The following SBNO1 variants were observed in gnomAD, a reference collection of about 807,000 sequenced individuals.
SBNO1 encodes protein strawberry notch homolog 1.
SBNO1 carries 23 observed loss-of-function variants against 173.6 expected under a neutral mutation model. That is an observed-to-expected ratio of 0.13 (90% CI 0.10 to 0.19). SBNO1 has a LOEUF of 0.19. SBNO1 is among the 10% of genes least tolerant of loss of function. SBNO1 has a pLI of 1.00. For missense variants in SBNO1, 1,238 were observed against 1,671.2 expected (o/e 0.74, Z 4.52); for synonymous variants, 632 against 571.5 (o/e 1.11, Z -1.51).
chr12:123,320,210 AC>A (rs1869790740), intron 19 of SBNO1, among the ~76,000 whole-genome samples, 179 bp from the exon 20 acceptor site: 1 of 152,222 alleles, frequency 6.6e-6, no homozygotes, highest in Non-Finnish European at 1.5e-5. Context: ...GGCCACGATC[AC>A]AAAAGATGCG....
At chr12:123,314,706 C>T (rs1461513860) in intron 23 of SBNO1, among the ~76,000 whole-genome samples, 1 of 151,764 alleles carries the variant, frequency 6.6e-6, no homozygotes, top group South Asian at 2.1e-4. Context: ...GGCATGATCT[C>T]GGCTCACTGC....
chr12:123,349,866 T>C (rs996594969), intron 2 of SBNO1, among the ~76,000 whole-genome samples: 11 of 151,934 alleles, frequency 7.2e-5, no homozygotes, highest in African/African-American at 2.4e-4. Context: ...TGAGCTGAGA[T>C]TGCGCCACTG....
chr12:123,341,599 G>A (rs1031721371), intron 4 of SBNO1, among the ~76,000 whole-genome samples: 2 of 152,020 alleles, frequency 1.3e-5, no homozygotes, highest in Non-Finnish European at 1.5e-5. Flanking sequence ...TCAGCTGACT[G>A]CAACCTCCTC....
rs536771172 is a variant in SBNO1, at chr12:123,358,616, G to A, written c.-1+6085C>T. On this transcript the variant is annotated intron_variant, in intron 1 of 31. Transcript: ENST00000602398. ...AAATTAGCCGGGCGCGGTGGCAGGC[G>A]CCTGTAGTCCCAGCTACTCAGGAGG... is the stretch of plus-strand genomic sequence containing the variant. Among the ~76,000 whole-genome samples, 490 of 151,710 alleles carry A rather than the reference G, an allele frequency of 3.2e-3. 3 individuals carry two copies. Among genetic ancestry groups the A allele is most frequent in the Non-Finnish European group, 5.4e-3 (364 of 67,894 alleles).
intron 7 of SBNO1, among the ~76,000 whole-genome samples, chr12:123,333,474 G>GGT (rs1871471173): frequency 6.6e-6 from 1 of 151,762 alleles, no homozygotes; most frequent in Admixed American, 6.6e-5. Flanking sequence ...CCTAGGAATG[G>GGT]GTATATATAC....
chr12:123,322,490 G>A (rs73421393), intron 16 of SBNO1, among the ~76,000 whole-genome samples: 3,341 of 152,190 alleles, frequency 0.022, 117 homozygotes, highest in African/African-American at 0.075. Flanking sequence ...TAGAGAAGGG[G>A]TTTCGCCATG....
At chr12:123,335,667 A>G (rs935670755) in intron 6 of SBNO1, among the ~76,000 whole-genome samples, 14 of 152,230 alleles carry the variant, frequency 9.2e-5, no homozygotes, top group African/African-American at 3.1e-4. Context: ...GCCATAGATA[A>G]TAAGTAAACC....
chr12:123,299,644 A>G (rs1391160275), intron 30 of SBNO1, among the ~76,000 whole-genome samples: 3 of 140,766 alleles, frequency 2.1e-5, no homozygotes, highest in Non-Finnish European at 3.0e-5. Flanking sequence ...TCAGGCCACT[A>G]CACTCTGGCA....
chr12:123,308,087 G>A (rs141251271), intron 28 of SBNO1, among the ~76,000 whole-genome samples: 16 of 151,998 alleles, frequency 1.1e-4, no homozygotes, highest in East Asian at 1.9e-4. Context: ...AAAACAAAAC[G>A]AAACAACACA....
In SBNO1 at chr12:123,348,742, G is replaced by A. The variant is rs370445048; in HGVS notation, c.133-609C>T. ...GATTGCACCACTGCACTCTGGACTGGGTGACAGAGCGAGACTCGGTCTCAA... is the reference window on the plus strand; with the variant it reads ...GATTGCACCACTGCACTCTGGACTGAGTGACAGAGCGAGACTCGGTCTCAA... On this transcript the variant is annotated intron_variant, in intron 2 of 31. Coordinates refer to ENST00000602398, the MANE Select transcript of SBNO1 (RefSeq NM_001167856.3). 1.5e-4 allele frequency among the ~76,000 whole-genome samples: 23 copies of A among 152,042 alleles called. 1 individual carries two copies. The highest frequency in any genetic ancestry group is 5.3e-4 in the African/African-American group (22 of 41,470).
intron 3 of SBNO1, among the ~76,000 whole-genome samples, chr12:123,346,661 C>G (rs1222408437): frequency 6.6e-6 from 1 of 151,782 alleles, no homozygotes; most frequent in African/African-American, 2.4e-5. Context: ...GAGACTCCAT[C>G]TCAAAAAATA....
chr12:123,300,728 G>A (rs1006785483), intron 30 of SBNO1, among the ~76,000 whole-genome samples: 9 of 151,884 alleles, frequency 5.9e-5, no homozygotes, highest in African/African-American at 2.2e-4. Context: ...TTGGGAGGCC[G>A]TGGTGGGCAG....
intron 29 of SBNO1, 65 bp from the exon 30 acceptor site, chr12:123,302,965 G>A: frequency 8.3e-7 from 1 of 1,209,436 alleles, no homozygotes; most frequent in East Asian, 2.3e-5. Context: ...TACCTAGTCT[G>A]GTCTGTAATT....
chr12:123,289,660 C>CCCACCA lies in SBNO1; in HGVS notation c.*6247_*6248insTGGTGG, dbSNP rs1384753499. On this transcript the variant is annotated 3_prime_UTR_variant, in exon 32 of 32. Transcript: ENST00000602398. ...ATTGCAGAGATACAGTGTACCTCTT[C>CCCACCA]CCACCTCTCATGGATGATGGAAGAT... 6.6e-6 allele frequency: 1 copy of CCCACCA among 152,214 alleles called. No homozygotes were observed. The highest frequency in any genetic ancestry group is 1.5e-5 in the Non-Finnish European group (1 of 68,042). The allele number at this position is 152,214 out of a possible 1,614,324, so 9.4% of individuals were successfully genotyped here.
chr12:123,313,803 T>C, intron 23 of SBNO1, 84 bp from the exon 24 acceptor site: 1 of 790,240 alleles, frequency 1.3e-6, no homozygotes. Context: ...CTATAAAAAC[T>C]ACTGGCTGGG....
chr12:123,327,762 C>A lies in SBNO1; in HGVS notation c.1483G>T (p.Gly495Cys), dbSNP rs1208367593. 1.1e-5 allele frequency: 17 copies of A among 1,613,772 alleles called. No homozygotes were observed. The highest frequency in any genetic ancestry group is 1.4e-5 in the Non-Finnish European group (17 of 1,179,958). ...AATTCTCTAAATGGAGTACCCTCAC[C>A]CCATATGCCAAGACGGTTCATATAG... ...MAYMNRLGIWGEGTPFREFSD... is the reference protein window; with the variant it reads ...MAYMNRLGIWCEGTPFREFSD... The change falls in exon 12 of 32, where the codon GGT (glycine) becomes TGT (cysteine). Residue 495 changes from glycine to cysteine, a missense_variant. Gly to Cys is a radical substitution (Grantham distance 159, BLOSUM62 -3). Around this residue, in one of 14 missense-constraint regions of SBNO1, gnomAD observed 182 missense variants for 339.9 expected, o/e 0.54. Transcript: ENST00000602398.
rs1006927949 is a variant in SBNO1 at position 123,293,634 on chromosome 12, T to C, written c.*2274A>G. On this transcript the variant is annotated 3_prime_UTR_variant, in exon 32 of 32. Transcript: ENST00000602398. Reference sequence around the variant, plus strand: ...TAATGAGAAAAAAAAATAGCTGTTCTACAAAGAACCTAAGATACATACACT... The same window carrying C: ...TAATGAGAAAAAAAAATAGCTGTTCCACAAAGAACCTAAGATACATACACT... The C allele has an allele frequency of 1.8e-4, 27 of 152,150 alleles. No homozygotes were observed. The highest frequency in any genetic ancestry group is 6.5e-4 in the African/African-American group (27 of 41,406). 9.4% of individuals were successfully genotyped at this position (152,150 alleles called of 1,614,324 possible). A position where few individuals can be genotyped will look rare whatever the true frequency, so the allele number is the denominator to read the frequency against.
chr12:123,327,856 C>T, intron 11 of SBNO1, 36 bp downstream of exon 11: 1 of 1,586,770 alleles, frequency 6.3e-7, no homozygotes, highest in Non-Finnish European at 8.6e-7. Context: ...GAAAAAATAA[C>T]CTACAATATA....
chr12:123,331,978 A>G (rs1871269416), intron 7 of SBNO1, among the ~76,000 whole-genome samples: 1 of 151,530 alleles, frequency 6.6e-6, no homozygotes, highest in South Asian at 2.1e-4. Flanking sequence ...CAGCCTCCCG[A>G]GTAGCTGGGA....
Sources: gnomAD v4.1 joint callset for allele counts (sites outside exome capture counted in the v4.1 genomes callset) on GRCh38, gnomAD v4.1.1 for gene constraint, gnomAD v4.1.1 regional missense constraint, MANE v1.5 for transcripts, NCBI Gene and HGNC (gene_info 2026-07-23, HGNC 2026-07-21) for gene names.